SMC3: variants seen among roughly 807,000 people sequenced by gnomAD.
The protein encoded by SMC3 is structural maintenance of chromosomes 3, also known as structural maintenance of chromosomes protein 3.
SMC3 carries 20 observed loss-of-function variants against 171.8 expected under a neutral mutation model. That is an observed-to-expected ratio of 0.12 (90% CI 0.08 to 0.17). SMC3 has a LOEUF of 0.17. Ranked by LOEUF, SMC3 falls within the 10% of genes least tolerant of loss-of-function variation. The pLI is 1.00. For synonymous variants in SMC3, 464 were observed against 451.1 expected, an observed-to-expected ratio of 1.03 and a Z score of -0.36; for missense variants, 543 against 1,420.4, an observed-to-expected ratio of 0.38 and a Z score of 9.93.
intron 9 of SMC3, 47 bp from the exon 10 acceptor site, chr10:110,582,515 A>C: frequency 5.6e-6 from 7 of 1,256,466 alleles, no homozygotes; most frequent in African/African-American, 1.5e-5. Flanking sequence ...TGAAATATTT[A>C]GTAATTACAA....
At chr10:110,577,602 T>C in intron 5 of SMC3, 110 bp downstream of exon 5, 1 of 789,458 alleles carries the variant, frequency 1.3e-6, no homozygotes, top group Non-Finnish European at 2.1e-6. Context: ...TTACAGTTTA[T>C]ATACTGATTT....
At position 110,604,357 on chromosome 10, in the gene SMC3, A is replaced by G. The variant is rs1861436081; in HGVS notation, c.*55A>G. The G allele has an allele frequency of 8.0e-7, 1 of 1,255,588 alleles. No homozygotes were observed. 77.8% of individuals were successfully genotyped at this position (1,255,588 alleles called of 1,614,324 possible). The stretch of plus-strand genomic sequence containing the variant: ...ATGTATATAGTAATATGATTCTCAT[A>G]CCCAGGAACTGTAAATTTAAACCTA... On this transcript the variant is annotated 3_prime_UTR_variant, in exon 29 of 29. Transcript: ENST00000361804.
Position 110,569,094 on chromosome 10 carries a change from G to A in SMC3, c.91+81G>A, listed in dbSNP as rs914107156. 6 of 902,608 alleles carry A rather than the reference G, an allele frequency of 6.6e-6. No homozygotes were observed. In the Admixed American group the frequency reaches 7.0e-5, roughly 11 times the overall value. 55.9% of individuals were successfully genotyped at this position (902,608 alleles called of 1,614,324 possible). Reference sequence around the variant, plus strand: ...TCTGTCCATTTCTATATTGGCTTAAGGAGACAGGAATTGTCTTTGAATATT... The same window carrying A: ...TCTGTCCATTTCTATATTGGCTTAAAGAGACAGGAATTGTCTTTGAATATT... On this transcript the variant is annotated intron_variant, in intron 2 of 28. Transcript: ENST00000361804.
chr10:110,583,350 A>C, intron 10 of SMC3, 34 bp from the exon 11 acceptor site: 2 of 1,568,736 alleles, frequency 1.3e-6, no homozygotes, highest in Non-Finnish European at 1.8e-6. Context: ...TGTACTTCTA[A>C]TTGCCTTATT....
intron 17 of SMC3, among the ~76,000 whole-genome samples, chr10:110,591,433 C>T (rs1316425292): frequency 6.6e-6 from 1 of 152,056 alleles, no homozygotes; most frequent in Admixed American, 6.6e-5. Context: ...TGCAAATGTG[C>T]AGTGTTAAAA....
chr10:110,568,414 A>C (rs1398461285), intron 1 of SMC3: 1 of 168,536 alleles, frequency 5.9e-6, no homozygotes, highest in African/African-American at 2.4e-5. Context: ...CTTCTGTCAA[A>C]ATGGTCTTCC....
intron 8 of SMC3, among the ~76,000 whole-genome samples, chr10:110,581,520 A>G (rs1452366616): frequency 6.6e-6 from 1 of 152,150 alleles, no homozygotes; most frequent in Non-Finnish European, 1.5e-5. Context: ...CCTGGCCGGC[A>G]CACTGACTTT....
chr10:110,601,155 T>C (rs1025749446), intron 23 of SMC3, 25 bp downstream of exon 23: 61 of 1,508,260 alleles, frequency 4.0e-5, no homozygotes, highest in Non-Finnish European at 5.3e-5. Flanking sequence ...AGTAAAATTT[T>C]GTTTATATGC....
At chr10:110,603,624 G>C (rs995774259) in intron 28 of SMC3, among the ~76,000 whole-genome samples, 1 of 152,136 alleles carries the variant, frequency 6.6e-6, no homozygotes, top group Non-Finnish European at 1.5e-5. Flanking sequence ...TAAAATTCTT[G>C]ATGAAATAGC....
At position 110,573,799 on chromosome 10, in the gene SMC3, A is replaced by G. The variant is rs1202199828; in HGVS notation, c.130+54A>G. 4 of 1,144,206 alleles carry G rather than the reference A, an allele frequency of 3.5e-6. No homozygotes were observed. The African/African-American group carries it at 4.6e-5, about 13-fold the overall frequency. The allele number at this position is 1,144,206 out of a possible 1,614,324, so 70.9% of individuals were successfully genotyped here. A position where few individuals can be genotyped will look rare whatever the true frequency, so the allele number is the denominator to read the frequency against. ...TATTAAGACCTGGGTATCTTAGGGT[A>G]GATTATTAAAATCATTAATTTTCTG... On this transcript the variant is annotated intron_variant, in intron 3 of 28. Coordinates refer to ENST00000361804, the MANE Select transcript of SMC3 (RefSeq NM_005445.4).
intron 17 of SMC3, among the ~76,000 whole-genome samples, chr10:110,591,490 TA>T (rs1374659480): frequency 6.6e-6 from 1 of 152,072 alleles, no homozygotes. Context: ...GTGACATAAT[TA>T]AGGTTAGGGA....
intron 19 of SMC3, among the ~76,000 whole-genome samples, 174 bp downstream of exon 19, chr10:110,596,724 T>TCA (rs1861306180): frequency 6.6e-6 from 1 of 152,206 alleles, no homozygotes; most frequent in African/African-American, 2.4e-5. Context: ...ATTCTTTGCT[T>TCA]AAGTGTTAAG....
At chr10:110,599,082 C>G (rs1343724859) in intron 20 of SMC3, among the ~76,000 whole-genome samples, 1 of 151,828 alleles carries the variant, frequency 6.6e-6, no homozygotes, top group African/African-American at 2.4e-5. Flanking sequence ...TGTACCATCC[C>G]AACCATATTC....
chr10:110,572,480 T>C (rs1860886795), intron 2 of SMC3, among the ~76,000 whole-genome samples: 1 of 152,176 alleles, frequency 6.6e-6, no homozygotes, highest in Non-Finnish European at 1.5e-5. Context: ...TTTTATAACA[T>C]TGTTATTTTT....
intron 18 of SMC3, among the ~76,000 whole-genome samples, chr10:110,595,966 A>G (rs1413698104): frequency 7.7e-6 from 1 of 129,818 alleles, no homozygotes; most frequent in Non-Finnish European, 1.6e-5. Context: ...GGCTGGGCAC[A>G]GTGGCTTGAC....
intron 7 of SMC3, among the ~76,000 whole-genome samples, chr10:110,580,339 A>G (rs1486437903): frequency 6.6e-6 from 1 of 152,186 alleles, no homozygotes; most frequent in Non-Finnish European, 1.5e-5. Flanking sequence ...GTTTTCCCTT[A>G]TAAAAATACT....
intron 19 of SMC3, among the ~76,000 whole-genome samples, chr10:110,597,084 C>T (rs760873466): frequency 4.2e-4 from 62 of 148,944 alleles, no homozygotes; most frequent in Non-Finnish European, 6.8e-4. Flanking sequence ...GTGGAGGTTG[C>T]GGTGAGCTGA....
Position 110,577,460 on chromosome 10 carries a change from A to G in SMC3, c.238A>G (p.Ile80Val), listed in dbSNP as rs2134718775. 1 of 1,612,726 alleles carries G rather than the reference A, an allele frequency of 6.2e-7. No homozygotes were observed. The highest frequency in any genetic ancestry group is 2.2e-5 in the East Asian group (1 of 44,736). ...GPRVISAFVEIIFDNSDNRLP... is the reference protein window; with the variant it reads ...GPRVISAFVEVIFDNSDNRLP... ...TCGTGTTATTTCTGCTTTTGTGGAGATTATTTTTGATAATTCAGACAACCG... is the reference window on the plus strand; with the variant it reads ...TCGTGTTATTTCTGCTTTTGTGGAGGTTATTTTTGATAATTCAGACAACCG... Residue 80 changes from isoleucine to valine, a missense_variant, in exon 5 of 29, where the codon ATT becomes GTT. By Grantham distance (29) the Ile-to-Val change is conservative. Transcript: ENST00000361804.
At chr10:110,575,755 T>C (rs539751507) in intron 4 of SMC3, among the ~76,000 whole-genome samples, 2 of 152,274 alleles carry the variant, frequency 1.3e-5, no homozygotes, top group South Asian at 4.1e-4. Context: ...TTTTATGTGA[T>C]GGTTAGGAGA....
Sources: gnomAD v4.1 joint callset for allele counts (sites outside exome capture counted in the v4.1 genomes callset) on GRCh38, gnomAD v4.1.1 for gene constraint, MANE v1.5 for transcripts, NCBI Gene and HGNC (gene_info 2026-07-23, HGNC 2026-07-21) for gene names.